Variants in PDXDC1 observed in about 807,000 individuals in gnomAD.
PDXDC1 encodes the protein pyridoxal dependent decarboxylase domain containing 1.
PDXDC1 carries 42 observed loss-of-function variants against 100.1 expected under a neutral mutation model. The ratio of observed to expected loss-of-function variants is 0.42; its 90% CI spans 0.33 to 0.54. PDXDC1 has a LOEUF of 0.54. Ranked by LOEUF, PDXDC1 falls within the 20% of genes least tolerant of loss-of-function variation. The pLI, the probability that PDXDC1 is intolerant of heterozygous loss-of-function variation, is 0.10. For missense variants in PDXDC1, 636 were observed against 979.2 expected (o/e 0.65, Z 4.68); for synonymous variants, 260 against 371.7 (o/e 0.70, Z 3.46).
chr16:14,978,036 C>G (rs1490784165), intron 1 of PDXDC1, among the ~76,000 whole-genome samples: 33 of 151,772 alleles, frequency 2.2e-4, no homozygotes, highest in Admixed American at 7.9e-4. Flanking sequence ...AGTTCTGTCC[C>G]TTGCTTTTTC....
At chr16:15,040,079 A>C, downstream of PDXDC1, 2 of 1,459,478 alleles carry the variant, frequency 1.4e-6, no homozygotes, top group Non-Finnish European at 1.9e-6. Flanking sequence ...GTGAGGGACA[A>C]CAGGATGACT....
At chr16:15,077,256 G>A (rs2045499412) in intron 16 of PDXDC1, among the ~76,000 whole-genome samples, 1 of 152,038 alleles carries the variant, frequency 6.6e-6, no homozygotes, top group South Asian at 2.1e-4. Flanking sequence ...TGGAATTACA[G>A]GCATGAGCCA....
rs2048073870 is a variant in PDXDC1, at chr16:15,131,761, G to A, written c.1400-7118G>A. 8.3e-6 allele frequency: 7 copies of A among 843,188 alleles called. No homozygotes were observed. The South Asian group carries it at 1.0e-4, about 12-fold the overall frequency. The allele number at this position is 843,188 out of a possible 1,614,324, so 52.2% of individuals were successfully genotyped here. A position where few individuals can be genotyped will look rare whatever the true frequency, so the allele number is the denominator to read the frequency against. On this transcript the variant is annotated intron_variant, in intron 16 of 16. Transcript: ENST00000535621. ...GACAGGGAGGCAGAGGGAGGGTGGG[G>A]GCAGGCAAAAAGGGGGAGCCGGAGG...
intron 16 of PDXDC1, among the ~76,000 whole-genome samples, chr16:15,070,929 T>C (rs1219319646): frequency 6.6e-6 from 1 of 151,860 alleles, no homozygotes; most frequent in Admixed American, 6.6e-5. Flanking sequence ...ACATACAGGG[T>C]TTTATATATA....
chr16:15,126,980 G>A, intron 16 of PDXDC1: 2 of 329,146 alleles, frequency 6.1e-6, no homozygotes, highest in East Asian at 8.1e-5. Context: ...TTATATAGAT[G>A]TGGTCTTGCT....
chr16:15,087,456 T>C (rs559198443), intron 16 of PDXDC1, among the ~76,000 whole-genome samples: 6 of 152,336 alleles, frequency 3.9e-5, no homozygotes, highest in South Asian at 4.1e-4. Flanking sequence ...GGCTATCCTC[T>C]GTCCACCGTC....
At chr16:15,047,287 C>CG in intron 16 of PDXDC1, 1 of 626,176 alleles carries the variant, frequency 1.6e-6, no homozygotes, top group Non-Finnish European at 2.9e-6. Context: ...CCACTGCTGA[C>CG]GCAGTGCCCA....
At position 15,083,713 on chromosome 16, in the gene PDXDC1, C is replaced by G. The variant is rs546009978; in HGVS notation, c.1399+53657C>G. ...AAACAGGAACCCCTACCTCAAAGAA[C>G]TGGAACTTTTTTTGTTTTTTGAGAC... On this transcript the variant is annotated intron_variant, in intron 16 of 16. Coordinates refer to the PDXDC1 transcript ENST00000535621. The G allele has an allele frequency of 1.6e-3, 2,146 of 1,352,344 alleles. 3 individuals carry two copies. The highest frequency in any genetic ancestry group is 1.8e-3 in the Non-Finnish European group (1,751 of 995,768). The allele number at this position is 1,352,344 out of a possible 1,614,324, so 83.8% of individuals were successfully genotyped here.
At chr16:15,028,085 C>G (rs1417127199) in intron 14 of PDXDC1, among the ~76,000 whole-genome samples, 1 of 152,288 alleles carries the variant, frequency 6.6e-6, no homozygotes, top group East Asian at 1.9e-4. Context: ...GCCAGGCTCT[C>G]CCATGCCCCA....
intron 14 of PDXDC1, among the ~76,000 whole-genome samples, chr16:15,027,378 C>G (rs1427974944): frequency 1.3e-5 from 2 of 152,278 alleles, no homozygotes; most frequent in South Asian, 2.1e-4. Context: ...GCTCCTAAGG[C>G]TCCAGCGGGC....
chr16:15,100,123 G>A (rs2046488963), intron 16 of PDXDC1, among the ~76,000 whole-genome samples: 1 of 152,190 alleles, frequency 6.6e-6, no homozygotes, highest in African/African-American at 2.4e-5. Flanking sequence ...GGCTTTTGAT[G>A]AATCTTTGCT....
In PDXDC1 at chr16:15,056,541, C is replaced by A. The variant is rs530032813; in HGVS notation, c.1399+26485C>A. Among the ~76,000 whole-genome samples the A allele has an allele frequency of 1.6e-4, 25 of 152,102 alleles. No individual in the cohort carries two copies. The Middle Eastern group carries it at 0.017, about 103-fold the overall frequency. ...CTGTAATCCCAGCACTTTGGGGGGC[C>A]GAGGCAGGAGGATCGCTTGAGGCCA... On this transcript the variant is annotated intron_variant, in intron 16 of 16. Coordinates refer to the PDXDC1 transcript ENST00000535621.
At chr16:15,104,409 GT>G in intron 16 of PDXDC1, 6 of 1,460,094 alleles carry the variant, frequency 4.1e-6, no homozygotes, top group South Asian at 3.9e-5. Flanking sequence ...CACTTGGGAG[GT>G]GTCTTGAGAT....
intron 1 of PDXDC1, chr16:14,975,748 C>A (rs556318617): frequency 1.1e-6 from 1 of 926,968 alleles, no homozygotes; most frequent in African/African-American, 1.8e-5. Flanking sequence ...GGTTCAGTCC[C>A]GGGGTCAGAA....
At chr16:15,125,598 G>C (rs1260896219) in intron 16 of PDXDC1, 2 of 1,331,104 alleles carry the variant, frequency 1.5e-6, no homozygotes, top group African/African-American at 1.4e-5. Flanking sequence ...GTCCAGCAAA[G>C]GCCTGCTGAG....
intron 1 of PDXDC1, among the ~76,000 whole-genome samples, chr16:14,978,115 A>G (rs1378789874): frequency 6.6e-6 from 1 of 152,116 alleles, no homozygotes; most frequent in African/African-American, 2.4e-5. Flanking sequence ...TTCTTCCACA[A>G]CAGTATCAGT....
At chr16:15,142,095 G>A (rs1184663281), downstream of PDXDC1, among the ~76,000 whole-genome samples, 1 of 152,174 alleles carries the variant, frequency 6.6e-6, no homozygotes, top group Non-Finnish European at 1.5e-5. Context: ...CTCCCACCCA[G>A]GCCACGGGAG....
chr16:15,018,677 G>C (rs1391147618), intron 11 of PDXDC1, among the ~76,000 whole-genome samples, 163 bp from the exon 12 acceptor site: 1 of 152,220 alleles, frequency 6.6e-6, no homozygotes, highest in Non-Finnish European at 1.5e-5. Context: ...AAGTTACCTA[G>C]AATACTTAGC....
chr16:15,085,925 A>T (rs2045900617), intron 16 of PDXDC1, among the ~76,000 whole-genome samples: 2 of 152,178 alleles, frequency 1.3e-5, no homozygotes, highest in African/African-American at 4.8e-5. Context: ...GAGTTCAATA[A>T]AGCAAATAAA....
Sources: allele counts gnomAD v4.1 joint callset (sites outside exome capture counted in the v4.1 genomes callset), GRCh38; gene constraint gnomAD v4.1.1; transcripts MANE v1.5; gene names NCBI Gene and HGNC (gene_info 2026-07-23, HGNC 2026-07-21).